PTGIS: variants seen among roughly 807,000 people sequenced by gnomAD.
The protein encoded by PTGIS is prostaglandin I2 synthase.
In PTGIS, 45 loss-of-function variants were observed where a neutral mutation model predicts 50.3. That is an observed-to-expected ratio of 0.90 (90% CI 0.70 to 1.15). PTGIS has a LOEUF of 1.15. PTGIS is among the 50% of genes most tolerant of loss of function. PTGIS has a pLI of 0.00. For synonymous variants in PTGIS, 260 were observed against 267.7 expected, an observed-to-expected ratio of 0.97 and a Z score of 0.28; for missense variants, 668 against 661.3, an observed-to-expected ratio of 1.01 and a Z score of -0.11.
intron 3 of PTGIS, 76 bp from the exon 4 acceptor site, chr20:49,544,524 A>G (rs996850668): frequency 1.3e-6 from 2 of 1,551,812 alleles, no homozygotes; most frequent in Non-Finnish European, 1.8e-6. Flanking sequence ...CCCTCCCCAA[A>G]CCTAAGGGTC....
At chr20:49,526,403 G>A (rs1447423023) in intron 5 of PTGIS, among the ~76,000 whole-genome samples, 1 of 152,242 alleles carries the variant, frequency 6.6e-6, no homozygotes, top group African/African-American at 2.4e-5. Context: ...GTTTACAGAT[G>A]ACTTTAAAAA....
intron 4 of PTGIS, among the ~76,000 whole-genome samples, chr20:49,541,813 T>C (rs1293672995): frequency 6.6e-6 from 1 of 152,144 alleles, no homozygotes; most frequent in Non-Finnish European, 1.5e-5. Context: ...TTTTGCTCTG[T>C]GGAAGCGAAG....
chr20:49,542,708 A>G (rs79897275), intron 4 of PTGIS, among the ~76,000 whole-genome samples: 9 of 152,278 alleles, frequency 5.9e-5, no homozygotes, highest in South Asian at 2.1e-4. Flanking sequence ...ACCCACACCA[A>G]TTACAGCCCT....
intron 6 of PTGIS, among the ~76,000 whole-genome samples, chr20:49,515,567 A>G (rs1354834210): frequency 6.6e-6 from 1 of 152,214 alleles, no homozygotes; most frequent in African/African-American, 2.4e-5. Context: ...TTACCCACTA[A>G]TTTCATTACA....
At position 49,544,373 on chromosome 20, in the gene PTGIS, A is replaced by C. The variant is rs1474715669; in HGVS notation, c.453T>G (p.Asp151Glu). ...YTNLHAVLLGDATEAGSGWHE... is the reference protein window; with the variant it reads ...YTNLHAVLLGEATEAGSGWHE... ...GCCAGCCACTGCCTGCTTCTGTAGC[A>C]TCGCCCAACAGCACTGCATGGAGGT... is the stretch of plus-strand genomic sequence containing the variant. Residue 151 changes from aspartate (D) to glutamate (E), a missense_variant, in exon 4 of 10, where the codon GAT (aspartate) becomes GAG (glutamate). By Grantham distance (45) the Asp-to-Glu change is conservative (BLOSUM62 2). Coordinates refer to ENST00000244043, the MANE Select transcript of PTGIS (RefSeq NM_000961.4). 1 of 1,614,152 alleles carries C rather than the reference A, an allele frequency of 6.2e-7. No individual in the cohort carries two copies. Among genetic ancestry groups the C allele is most frequent in the Non-Finnish European group, 8.5e-7 (1 of 1,180,020 alleles).
At chr20:49,556,575 C>T (rs73910558) in intron 1 of PTGIS, among the ~76,000 whole-genome samples, 7,796 of 152,208 alleles carry the variant, frequency 0.051, 660 homozygotes, top group African/African-American at 0.18. Flanking sequence ...GAAGAGAGAG[C>T]TCATATGGCA....
chr20:49,539,870 G>T, intron 4 of PTGIS, 149 bp from the exon 5 acceptor site: 1 of 1,161,138 alleles, frequency 8.6e-7, no homozygotes, highest in Non-Finnish European at 1.2e-6. Flanking sequence ...ACAGTCGGCA[G>T]TGAAAAAAAC....
In PTGIS at chr20:49,505,499, A is replaced by C. The variant is rs1030564642; in HGVS notation, c.*2421T>G. ...TGGTTCCAAGGAGGTGCGACCTTTA[A>C]AGGGAATTGGCCCTTCTTTGAAGGC... On this transcript the variant is annotated 3_prime_UTR_variant, in exon 10 of 10. Coordinates refer to ENST00000244043, the MANE Select transcript of PTGIS (RefSeq NM_000961.4). 1.3e-5 allele frequency: 2 copies of C among 152,520 alleles called. No individual in the cohort carries two copies. The allele number at this position is 152,520 out of a possible 1,614,324, so 9.4% of individuals were successfully genotyped here. A position where few individuals can be genotyped will look rare whatever the true frequency, so the allele number is the denominator to read the frequency against.
chr20:49,542,419 G>A (rs1231070247), intron 4 of PTGIS, among the ~76,000 whole-genome samples: 1 of 152,244 alleles, frequency 6.6e-6, no homozygotes, highest in African/African-American at 2.4e-5. Context: ...CTCAGGCCCT[G>A]AAGACACAGT....
chr20:49,524,353 G>T, intron 5 of PTGIS, 114 bp from the exon 6 acceptor site: 1 of 1,228,060 alleles, frequency 8.1e-7, no homozygotes, highest in Non-Finnish European at 1.1e-6. Flanking sequence ...ACTCATTGAG[G>T]GTGGGGAGTT....
At chr20:49,524,019 T>G (rs1217503837) in intron 6 of PTGIS, 39 bp downstream of exon 6, 4 of 1,612,134 alleles carry the variant, frequency 2.5e-6, no homozygotes. Flanking sequence ...CAACCACACA[T>G]GCACACCTGC....
chr20:49,548,133 ATGTTCT>A, intron 2 of PTGIS, 114 bp from the exon 3 acceptor site: 1 of 969,292 alleles, frequency 1.0e-6, no homozygotes, highest in East Asian at 2.6e-5. Flanking sequence ...GTAACACACT[ATGTTCT>A]CTTATCTATG....
chr20:49,523,417 T>C (rs1453920312), intron 6 of PTGIS, among the ~76,000 whole-genome samples: 1 of 152,080 alleles, frequency 6.6e-6, no homozygotes, highest in Non-Finnish European at 1.5e-5. Flanking sequence ...GTGAGGCATA[T>C]ATAGGAGTTC....
intron 8 of PTGIS, 137 bp downstream of exon 8, chr20:49,512,942 CA>C: frequency 2.9e-6 from 3 of 1,031,164 alleles, no homozygotes; most frequent in South Asian, 1.5e-5. Flanking sequence ...GAAGCAAACA[CA>C]GAGAGGTGAA....
intron 1 of PTGIS, among the ~76,000 whole-genome samples, chr20:49,560,879 C>T (rs914053827): frequency 6.6e-6 from 1 of 152,034 alleles, no homozygotes; most frequent in African/African-American, 2.4e-5. Flanking sequence ...TCCTATGCCA[C>T]GCGTGGCAGG....
At chr20:49,527,620 T>A (rs1158111949) in intron 5 of PTGIS, among the ~76,000 whole-genome samples, 1 of 152,118 alleles carries the variant, frequency 6.6e-6, no homozygotes, top group Non-Finnish European at 1.5e-5. Flanking sequence ...AATTATTGTT[T>A]AATGGGCACA....
chr20:49,522,509 T>C (rs998602516), intron 6 of PTGIS, among the ~76,000 whole-genome samples: 1 of 152,040 alleles, frequency 6.6e-6, no homozygotes, highest in Admixed American at 6.6e-5. Context: ...GGATTTTTTT[T>C]AAGAGGTGGA....
At chr20:49,566,271 A>T (rs1479741704) in intron 1 of PTGIS, among the ~76,000 whole-genome samples, 1 of 152,206 alleles carries the variant, frequency 6.6e-6, no homozygotes, top group Non-Finnish European at 1.5e-5. Flanking sequence ...TAACGTATTC[A>T]CATGATGGAA....
chr20:49,517,203 A>C (rs540067958), intron 6 of PTGIS, among the ~76,000 whole-genome samples: 3 of 152,260 alleles, frequency 2.0e-5, no homozygotes, highest in South Asian at 4.1e-4. Context: ...CTGACACAGC[A>C]AGGTCACCTG....
Sources: gnomAD v4.1 joint callset for allele counts (sites outside exome capture counted in the v4.1 genomes callset) on GRCh38, gnomAD v4.1.1 for gene constraint, MANE v1.5 for transcripts, NCBI Gene and HGNC (gene_info 2026-07-23, HGNC 2026-07-21) for gene names.